The following FIGN variants were observed in gnomAD, a reference collection of about 807,000 sequenced individuals.
FIGN encodes fidgetin, microtubule severing factor, also known as fidgetin.
A neutral mutation model predicts 51.3 loss-of-function variants in FIGN; 11 were observed. The ratio of observed to expected loss-of-function variants is 0.21; its 90% CI spans 0.13 to 0.35. FIGN has a LOEUF of 0.35. Ranked by LOEUF, FIGN falls within the 10% of genes least tolerant of loss-of-function variation. FIGN has a pLI of 1.00. For missense variants in FIGN, 857 were observed against 943.6 expected (o/e 0.91, Z 1.20); for synonymous variants, 407 against 363.2 (o/e 1.12, Z -1.37).
intron 2 of FIGN, among the ~76,000 whole-genome samples, chr2:163,641,064 C>T (rs1056213925): frequency 4.6e-5 from 7 of 152,168 alleles, no homozygotes; most frequent in Non-Finnish European, 7.3e-5. Flanking sequence ...TAACATTAAA[C>T]GTGCTACGCT....
chr2:163,656,013 A>G (rs895366706), intron 2 of FIGN, among the ~76,000 whole-genome samples: 1 of 152,238 alleles, frequency 6.6e-6, no homozygotes, highest in Non-Finnish European at 1.5e-5. Flanking sequence ...GGTTAAGAAC[A>G]CTACTTTGAA....
chr2:163,660,694 C>T lies in FIGN; in HGVS notation c.26-48888G>A, dbSNP rs1295736219. 5.8e-4 allele frequency among the ~76,000 whole-genome samples: 66 copies of T among 113,692 alleles called. 3 individuals carry two copies. The East Asian group carries it at 7.6e-3, about 13-fold the overall frequency. 74.6% of individuals were successfully genotyped at this position (113,692 alleles called of 152,430 possible). Reference sequence around the variant, plus strand: ...ACATATATATATATATACACATATACATATATATGTATACACATATACATA... The same window carrying T: ...ACATATATATATATATACACATATATATATATATGTATACACATATACATA... On this transcript the variant is annotated intron_variant, in intron 2 of 2. Transcript: ENST00000333129.
intron 2 of FIGN, among the ~76,000 whole-genome samples, chr2:163,633,662 A>C (rs1226408279): frequency 6.6e-6 from 1 of 152,206 alleles, no homozygotes; most frequent in Non-Finnish European, 1.5e-5. Context: ...ACCTTTGGGG[A>C]TAGAAAATTT....
intron 2 of FIGN, among the ~76,000 whole-genome samples, chr2:163,622,522 C>T (rs540399282): frequency 5.2e-4 from 79 of 151,684 alleles, no homozygotes; most frequent in African/African-American, 1.8e-3. Context: ...TTTTAGAAGA[C>T]GGGGATATTT....
At chr2:163,723,321 CAT>C (rs1170030210) in intron 2 of FIGN, among the ~76,000 whole-genome samples, 6 of 152,050 alleles carry the variant, frequency 3.9e-5, no homozygotes, top group Non-Finnish European at 7.4e-5. Context: ...GCTATACACA[CAT>C]GTTGAGGAGA....
At chr2:163,653,476 C>T (rs1251387328) in intron 2 of FIGN, among the ~76,000 whole-genome samples, 1 of 151,944 alleles carries the variant, frequency 6.6e-6, no homozygotes, top group Non-Finnish European at 1.5e-5. Context: ...CAATATTTTG[C>T]TCTGTTTAAA....
chr2:163,620,283 C>A (rs751753832), intron 2 of FIGN, among the ~76,000 whole-genome samples: 1 of 151,876 alleles, frequency 6.6e-6, no homozygotes, highest in Non-Finnish European at 1.5e-5. Flanking sequence ...TTTCTTATGC[C>A]CTCTCTTTCC....
chr2:163,658,546 C>T (rs1054635160), intron 2 of FIGN, among the ~76,000 whole-genome samples: 6 of 152,090 alleles, frequency 3.9e-5, no homozygotes, highest in Non-Finnish European at 5.9e-5. Flanking sequence ...CTACTGAGGG[C>T]GTCAGGCTGC....
At position 163,642,534 on chromosome 2, in the gene FIGN, T is replaced by C. The variant is rs78978681; in HGVS notation, c.26-30728A>G. On this transcript the variant is annotated intron_variant, in intron 2 of 2. Transcript: ENST00000333129. ...GAAATGGGAAAGTGGGTGAGTGCTTTATGTGCCTTATCTAGGATAACCTAG... is the reference window on the plus strand; with the variant it reads ...GAAATGGGAAAGTGGGTGAGTGCTTCATGTGCCTTATCTAGGATAACCTAG... Among the ~76,000 whole-genome samples, 957 of 152,282 alleles carry C rather than the reference T, an allele frequency of 6.3e-3. 11 individuals carry two copies. Among genetic ancestry groups the C allele is most frequent in the African/African-American group, 0.022 (923 of 41,558 alleles).
chr2:163,611,949 T>C (rs1691272217), intron 2 of FIGN, 143 bp from the exon 3 acceptor site: 5 of 644,184 alleles, frequency 7.8e-6, no homozygotes, highest in South Asian at 6.4e-5. Flanking sequence ...TTATAATACC[T>C]ATTATGATCC....
intron 2 of FIGN, among the ~76,000 whole-genome samples, chr2:163,694,563 G>A (rs903927613): frequency 6.6e-6 from 1 of 152,086 alleles, no homozygotes; most frequent in African/African-American, 2.4e-5. Context: ...CTTAGAACTG[G>A]ATGAAAACAT....
At chr2:163,675,234 T>C (rs1036461114) in intron 2 of FIGN, among the ~76,000 whole-genome samples, 1 of 152,224 alleles carries the variant, frequency 6.6e-6, no homozygotes, top group Non-Finnish European at 1.5e-5. Flanking sequence ...GTCCCTTGTT[T>C]TTAATTGCTC....
chr2:163,677,792 T>A (rs1351305147), intron 2 of FIGN, among the ~76,000 whole-genome samples: 1 of 152,212 alleles, frequency 6.6e-6, no homozygotes, highest in Non-Finnish European at 1.5e-5. Flanking sequence ...TTTGTTGAGC[T>A]AGGTAACTTT....
chr2:163,724,000 C>T (rs1341344496), intron 2 of FIGN, among the ~76,000 whole-genome samples: 1 of 152,142 alleles, frequency 6.6e-6, no homozygotes, highest in Non-Finnish European at 1.5e-5. Flanking sequence ...AGACGACTAG[C>T]AAGGTCCAAG....
chr2:163,731,979 T>C (rs1684937588), intron 2 of FIGN, among the ~76,000 whole-genome samples: 1 of 151,712 alleles, frequency 6.6e-6, no homozygotes, highest in South Asian at 2.1e-4. Context: ...AAATAACAAG[T>C]TGCCTCCAGC....
intron 2 of FIGN, among the ~76,000 whole-genome samples, chr2:163,663,874 C>G (rs1683731358): frequency 6.6e-6 from 1 of 151,108 alleles, no homozygotes; most frequent in Admixed American, 6.6e-5. Context: ...AAGAACGAAA[C>G]TCCATCTCCA....
In FIGN at chr2:163,606,502, T is replaced by C. The variant is rs1011390759; in HGVS notation, c.*3050A>G. On this transcript the variant is annotated 3_prime_UTR_variant, in exon 3 of 3. Transcript: ENST00000333129. ...ATTACCTTACCTTCATTAATAGCCT[T>C]CTCCAAATTCTTAGCAGTCAAAAAG... 2 of 152,154 alleles carry C rather than the reference T, an allele frequency of 1.3e-5. No individual in the cohort carries two copies. The highest frequency in any genetic ancestry group is 2.9e-5 in the Non-Finnish European group (2 of 68,048). The allele number at this position is 152,154 out of a possible 1,614,324, so 9.4% of individuals were successfully genotyped here.
At chr2:163,679,980 G>C (rs563939483) in intron 2 of FIGN, among the ~76,000 whole-genome samples, 1 of 152,204 alleles carries the variant, frequency 6.6e-6, no homozygotes, top group Non-Finnish European at 1.5e-5. Context: ...CATGAAGTTT[G>C]TTAGCAGAAG....
At chr2:163,646,191 T>C (rs1683378454) in intron 2 of FIGN, among the ~76,000 whole-genome samples, 1 of 152,192 alleles carries the variant, frequency 6.6e-6, no homozygotes, top group Non-Finnish European at 1.5e-5. Context: ...AACTCTATTA[T>C]AAGATTAACT....
Sources: gnomAD v4.1 joint callset for allele counts (sites outside exome capture counted in the v4.1 genomes callset) on GRCh38, gnomAD v4.1.1 for gene constraint, MANE v1.5 for transcripts, NCBI Gene and HGNC (gene_info 2026-07-23, HGNC 2026-07-21) for gene names.